Variants in JPH3 observed in about 807,000 individuals in gnomAD.
JPH3 encodes junctophilin 3.
In JPH3, 11 loss-of-function variants were observed where a neutral mutation model predicts 59.6. That is an observed-to-expected ratio of 0.18 (90% CI 0.12 to 0.31). The LOEUF (loss-of-function observed/expected upper bound fraction) is 0.31, where lower values mean the gene tolerates loss of function less well. Among genes scored for constraint, JPH3 ranks in the 10% least tolerant of loss-of-function variants. The pLI is 1.00. For missense variants in JPH3, 1,202 were observed against 1,105.7 expected, an observed-to-expected ratio of 1.09 and a Z score of -1.24; for synonymous variants, 673 against 483.6, an observed-to-expected ratio of 1.39 and a Z score of -5.14.
At chr16:87,619,892 G>T (rs1289467878) in intron 1 of JPH3, among the ~76,000 whole-genome samples, 1 of 152,174 alleles carries the variant, frequency 6.6e-6, no homozygotes, top group Non-Finnish European at 1.5e-5. Flanking sequence ...TGAGGCTGGT[G>T]AGCGGGTTGG....
At chr16:87,667,492 A>C (rs531791825) in intron 2 of JPH3, among the ~76,000 whole-genome samples, 59 of 152,102 alleles carry the variant, frequency 3.9e-4, no homozygotes, top group African/African-American at 1.3e-3. Flanking sequence ...CTCCTGCCCC[A>C]CCCTAAGCTG....
At chr16:87,652,435 C>T (rs568736496) in intron 2 of JPH3, among the ~76,000 whole-genome samples, 7 of 152,358 alleles carry the variant, frequency 4.6e-5, no homozygotes, top group East Asian at 1.9e-4. Context: ...TGCTATAGCA[C>T]GCTTAATAGA....
intron 1 of JPH3, among the ~76,000 whole-genome samples, chr16:87,642,137 C>T (rs1199493704): frequency 6.6e-6 from 1 of 151,924 alleles, no homozygotes; most frequent in African/African-American, 2.4e-5. Context: ...GTGGGGATAC[C>T]CTGGGGACGG....
Position 87,689,635 on chromosome 16 carries a change from T to TC in JPH3, c.1286-7dup. ...TAACGCCGTCTGGCGTCGTCTTGTGTCCCCATACAGGGCTGGAGTACCAGA... is the reference window on the plus strand; with the variant it reads ...TAACGCCGTCTGGCGTCGTCTTGTGTCCCCCATACAGGGCTGGAGTACCAGA... On this transcript the variant is annotated splice_polypyrimidine_tract_variant and intron_variant, in intron 3 of 4. Coordinates refer to ENST00000284262, the MANE Select transcript of JPH3 (RefSeq NM_020655.4). 6.2e-7 allele frequency: 1 copy of TC among 1,610,654 alleles called. No homozygotes were observed. Among genetic ancestry groups the TC allele is most frequent in the Non-Finnish European group, 8.5e-7 (1 of 1,178,960 alleles).
At chr16:87,691,319 G>A (rs1000001462) in intron 4 of JPH3, among the ~76,000 whole-genome samples, 3 of 152,198 alleles carry the variant, frequency 2.0e-5, no homozygotes, top group African/African-American at 7.2e-5. Context: ...GGAATGAAGG[G>A]CTGTGGGACG....
chr16:87,615,629 G>A (rs1597236652), intron 1 of JPH3, among the ~76,000 whole-genome samples: 3 of 152,294 alleles, frequency 2.0e-5, no homozygotes, highest in African/African-American at 4.8e-5. Context: ...CTCCAGTCAC[G>A]AGTCTCAAAC....
intron 1 of JPH3, among the ~76,000 whole-genome samples, chr16:87,621,644 C>A (rs74994358): frequency 4.6e-5 from 7 of 152,200 alleles, no homozygotes; most frequent in African/African-American, 1.7e-4. Context: ...GGCAGCCAAG[C>A]CCCCGGAAGG....
At chr16:87,685,018 G>A (rs781328236) in intron 3 of JPH3, among the ~76,000 whole-genome samples, 132 of 152,322 alleles carry the variant, frequency 8.7e-4, no homozygotes, top group Admixed American at 4.2e-3. Flanking sequence ...TCTGACCGGT[G>A]AGCGGTATTC....
chr16:87,682,721 T>G (rs1423443265), intron 2 of JPH3, among the ~76,000 whole-genome samples: 1 of 152,100 alleles, frequency 6.6e-6, no homozygotes, highest in Non-Finnish European at 1.5e-5. Flanking sequence ...TCAGGAACCG[T>G]GAACAGGAGA....
chr16:87,614,236 A>G (rs779894075), intron 1 of JPH3, among the ~76,000 whole-genome samples: 10 of 151,900 alleles, frequency 6.6e-5, no homozygotes, highest in African/African-American at 1.2e-4. Flanking sequence ...GTCCCTGCAC[A>G]CAGGAGCTAC....
intron 2 of JPH3, among the ~76,000 whole-genome samples, chr16:87,683,110 G>A (rs371963117): frequency 2.0e-5 from 3 of 152,218 alleles, no homozygotes; most frequent in East Asian, 1.9e-4. Context: ...CTGCCCAGCT[G>A]CCCAAGCCCT....
At chr16:87,657,666 G>T (rs879581930) in intron 2 of JPH3, among the ~76,000 whole-genome samples, 1 of 152,150 alleles carries the variant, frequency 6.6e-6, no homozygotes, top group Non-Finnish European at 1.5e-5. Flanking sequence ...CTGTGCCCAG[G>T]CCTCTTCTGT....
chr16:87,685,120 G>A (rs953800014), intron 3 of JPH3, among the ~76,000 whole-genome samples: 1 of 152,224 alleles, frequency 6.6e-6, no homozygotes, highest in South Asian at 2.1e-4. Context: ...AGGACAGGAT[G>A]AGGAGCCCAG....
chr16:87,635,174 G>A lies in JPH3; in HGVS notation c.383-9084G>A, dbSNP rs78261544. Among the ~76,000 whole-genome samples, 784 of 152,204 alleles carry A rather than the reference G, an allele frequency of 5.2e-3. 6 individuals carry two copies. The highest frequency in any genetic ancestry group is 0.018 in the African/African-American group (742 of 41,534). On this transcript the variant is annotated intron_variant, in intron 1 of 4. Coordinates refer to ENST00000284262, the MANE Select transcript of JPH3 (RefSeq NM_020655.4). ...AGCTCAGGTCTTTAGTGGGCTCCTT[G>A]CTCCTCCCAGCAAAGCGTTCACCTT...
At chr16:87,695,045 CTT>C in intron 4 of JPH3, 1 of 336,314 alleles carries the variant, frequency 3.0e-6, no homozygotes, top group Non-Finnish European at 5.8e-6. Context: ...GGAGGCTTGA[CTT>C]TGCCCTCTTA....
intron 4 of JPH3, among the ~76,000 whole-genome samples, chr16:87,690,926 G>A (rs763607919): frequency 6.6e-6 from 1 of 152,230 alleles, no homozygotes; most frequent in Non-Finnish European, 1.5e-5. Flanking sequence ...ACCCAGAGGC[G>A]AAACAGCTGG....
At chr16:87,630,093 T>G (rs2031516496) in intron 1 of JPH3, among the ~76,000 whole-genome samples, 2 of 152,194 alleles carry the variant, frequency 1.3e-5, no homozygotes, top group Non-Finnish European at 2.9e-5. Flanking sequence ...GGGGCGTGGC[T>G]GCTCCACTCA....
intron 4 of JPH3, among the ~76,000 whole-genome samples, chr16:87,693,280 C>G (rs899472012): frequency 6.6e-6 from 1 of 152,224 alleles, no homozygotes. Context: ...CAGCACCTCA[C>G]CCTCTGAGGA....
intron 1 of JPH3, among the ~76,000 whole-genome samples, chr16:87,633,283 A>T (rs1597248363): frequency 6.9e-6 from 1 of 143,948 alleles, no homozygotes; most frequent in Non-Finnish European, 1.5e-5. Flanking sequence ...TTGGATGAGG[A>T]CCCCCAGTGC....
Sources: gnomAD v4.1 joint callset for allele counts (sites outside exome capture counted in the v4.1 genomes callset) on GRCh38, gnomAD v4.1.1 for gene constraint, MANE v1.5 for transcripts, NCBI Gene and HGNC (gene_info 2026-07-23, HGNC 2026-07-21) for gene names.